PHC2: variants seen among roughly 807,000 people sequenced by gnomAD.
PHC2 encodes polyhomeotic-like protein 2.
Under a neutral mutation model 87.4 loss-of-function variants are expected in PHC2, and 29 were observed. That is an observed-to-expected ratio of 0.33 (90% confidence interval 0.25 to 0.45). The LOEUF is 0.45. PHC2 is among the 20% of genes least tolerant of loss of function. The probability of loss-of-function intolerance (pLI) is 1.00; values close to 1 mark genes in which losing one functional copy is unlikely to be tolerated. For synonymous variants in PHC2, 438 were observed against 461.7 expected (o/e 0.95, Z 0.66); for missense variants, 857 against 1,136.7 (o/e 0.75, Z 3.54).
At position 33,332,397 on chromosome 1, in the gene PHC2, C is replaced by T. The variant is rs368044247; in HGVS notation, c.1769G>A (p.Arg590His). ...QEGAEPFPVG[R>H]SSLLVGNLKK... ...GAGATTCCCCACCAGCAGGGACGAGCGTCCCACCTAGAGGACAGGTAACAC... is the reference window on the plus strand; with the variant it reads ...GAGATTCCCCACCAGCAGGGACGAGTGTCCCACCTAGAGGACAGGTAACAC... The change falls in exon 11 of 15, where the codon CGC (arginine) becomes CAC (histidine). Residue 590 changes from arginine to histidine, a missense_variant. Transcript: ENST00000683057. This position sits in a 1 kb window ranked among gnomAD's most constrained non-coding sequence, Gnocchi z 4.2. 2.5e-6 allele frequency: 4 copies of T among 1,614,154 alleles called. No individual in the cohort carries two copies. Among genetic ancestry groups the T allele is most frequent in the African/African-American group, 1.3e-5 (1 of 75,038 alleles).
chr1:33,380,243 T>TG (rs1648430589), intron 1 of PHC2, among the ~76,000 whole-genome samples: 1 of 152,250 alleles, frequency 6.6e-6, no homozygotes, highest in South Asian at 2.1e-4. Context: ...ACTCACCTGT[T>TG]GTGCAATCAT....
rs1648522036 is a variant in PHC2 at position 33,382,101 on chromosome 1, A to G, written c.-54-6508T>C. On this transcript the variant is annotated intron_variant, in intron 1 of 14. Transcript: ENST00000683057. This position sits in a 1 kb window ranked among gnomAD's most constrained non-coding sequence, Gnocchi z 4.3. ...TATGTCACTTTATTGTTGGTCTCCT[A>G]GTAGAAGGGAACTTGAGTTGGAAGA... is the stretch of plus-strand genomic sequence containing the variant. Among the ~76,000 whole-genome samples the G allele has an allele frequency of 6.6e-6, 1 of 152,188 alleles. No individual in the cohort carries two copies. Among genetic ancestry groups the G allele is most frequent in the Non-Finnish European group, 1.5e-5 (1 of 68,036 alleles).
intron 14 of PHC2, chr1:33,326,472 A>G (rs1646373485): frequency 6.6e-6 from 1 of 152,520 alleles, no homozygotes; most frequent in African/African-American, 2.4e-5. Flanking sequence ...TCTTTTCAAC[A>G]GCAGGGTTTC....
At chr1:33,393,463 G>GT (rs36030279) in intron 1 of PHC2, among the ~76,000 whole-genome samples, 50,099 of 131,004 alleles carry the variant, frequency 0.38, 10,443 homozygotes, top group African/African-American at 0.55. Context: ...TTTTCAAGAG[G>GT]TTTTTTTTTT....
rs1381966046 is a variant in PHC2, at chr1:33,349,913, C to T, written c.1558+4488G>A. The T allele has an allele frequency of 5.2e-6, 5 of 955,800 alleles. No individual in the cohort carries two copies. Among genetic ancestry groups the T allele is most frequent in the Non-Finnish European group, 4.9e-6 (4 of 808,952 alleles). 59.2% of individuals were successfully genotyped at this position (955,800 alleles called of 1,614,324 possible). Reference sequence around the variant, plus strand: ...CGGAGACAATGCGGCGAGTCTGGGACGGCTCCCGCGGCCGCCTCCGCCGGG... The same window carrying T: ...CGGAGACAATGCGGCGAGTCTGGGATGGCTCCCGCGGCCGCCTCCGCCGGG... On this transcript the variant is annotated intron_variant, in intron 9 of 14. Coordinates refer to ENST00000683057, the MANE Select transcript of PHC2 (RefSeq NM_001385109.1). This position sits in a 1 kb window ranked among gnomAD's most constrained non-coding sequence, Gnocchi z 4.2.
At chr1:33,401,603 A>C (rs1281956884) in intron 1 of PHC2, among the ~76,000 whole-genome samples, 1 of 152,238 alleles carries the variant, frequency 6.6e-6, no homozygotes. Context: ...AAATCAGCAA[A>C]TACTACAAAT....
chr1:33,355,944 C>T (rs1647062870), intron 7 of PHC2, among the ~76,000 whole-genome samples: 1 of 152,164 alleles, frequency 6.6e-6, no homozygotes, highest in Admixed American at 6.5e-5. Context: ...ACTTAATGTG[C>T]ACAGCACAGT....
intron 1 of PHC2, among the ~76,000 whole-genome samples, chr1:33,429,267 TG>T (rs1308118603): frequency 2.0e-5 from 3 of 152,134 alleles, no homozygotes; most frequent in African/African-American, 4.8e-5. Context: ...GGGGAAAATA[TG>T]GGGGAGAAAA....
chr1:33,384,226 G>A (rs990079338), intron 1 of PHC2, among the ~76,000 whole-genome samples: 4 of 152,116 alleles, frequency 2.6e-5, no homozygotes, highest in South Asian at 2.1e-4. Flanking sequence ...TCAGACCTAC[G>A]GAATCAGAAA....
chr1:33,417,114 A>G (rs1003209576), intron 1 of PHC2, among the ~76,000 whole-genome samples: 2 of 152,060 alleles, frequency 1.3e-5, no homozygotes, highest in African/African-American at 4.8e-5. Flanking sequence ...ACAAATACTA[A>G]GAAAAGATAA....
intron 1 of PHC2, among the ~76,000 whole-genome samples, chr1:33,376,138 G>A (rs1369306712): frequency 1.7e-4 from 26 of 152,164 alleles, no homozygotes. Flanking sequence ...GGGTTCAAGC[G>A]ATTCTCGTGC....
rs768041909 is a variant in PHC2 at position 33,332,408 on chromosome 1, G to A, written c.1762-4C>T. ...CCAGCAGGGACGAGCGTCCCACCTA[G>A]AGGACAGGTAACACGGAGGCCGTGA... On this transcript the variant is annotated splice_polypyrimidine_tract_variant and splice_region_variant and intron_variant, in intron 10 of 14. Coordinates refer to ENST00000683057, the MANE Select transcript of PHC2 (RefSeq NM_001385109.1). The surrounding 1 kb of genome is among the most constrained non-coding windows in gnomAD (Gnocchi z 4.2). 33 of 1,614,136 alleles carry A rather than the reference G, an allele frequency of 2.0e-5. 1 individual carries two copies. The South Asian group carries it at 3.4e-4, about 17-fold the overall frequency.
At chr1:33,346,438 C>A (rs749546768) in intron 9 of PHC2, 4 of 985,162 alleles carry the variant, frequency 4.1e-6, no homozygotes, top group African/African-American at 3.5e-5. Flanking sequence ...TCCTCATTCT[C>A]ATTTCCCTAC....
chr1:33,332,141 A>T lies in PHC2; in HGVS notation c.1891+134T>A. 1 of 938,000 alleles carries T rather than the reference A, an allele frequency of 1.1e-6. No homozygotes were observed. Among genetic ancestry groups the T allele is most frequent in the Non-Finnish European group, 1.6e-6 (1 of 613,730 alleles). 58.1% of individuals were successfully genotyped at this position (938,000 alleles called of 1,614,324 possible). On this transcript the variant is annotated intron_variant, in intron 11 of 14. Coordinates refer to ENST00000683057, the MANE Select transcript of PHC2 (RefSeq NM_001385109.1). This position sits in a 1 kb window ranked among gnomAD's most constrained non-coding sequence, Gnocchi z 4.2. ...CCCTCTTTTTGAGGGAAGGAGGCTG[A>T]GGAGGTGCTGGGGGAAATGTTTACA... is the stretch of plus-strand genomic sequence containing the variant.
rs1647800413 is a variant in PHC2, at chr1:33,371,071, T to C, written c.357A>G (p.Gln119=). The part of the protein sequence containing the change: ...VQQASLVSNR[Q]GSTSGSNVSA... ...ACACATTGCTGCCTGAAGTGCTTCC[T>C]TGTCTATTGGATACCAGGCTTGCCT... Residue 119 remains glutamine, a synonymous_variant, in exon 4 of 15, where the codon CAA becomes CAG. Transcript: ENST00000683057. The C allele has an allele frequency of 1.2e-5, 20 of 1,614,058 alleles. No individual in the cohort carries two copies. Among genetic ancestry groups the C allele is most frequent in the Non-Finnish European group, 1.7e-5 (20 of 1,179,960 alleles).
chr1:33,395,590 G>A (rs1293444878), intron 1 of PHC2, among the ~76,000 whole-genome samples: 2 of 152,134 alleles, frequency 1.3e-5, no homozygotes, highest in East Asian at 3.8e-4. Flanking sequence ...ATGGATGGGG[G>A]ATGGACAGTT....
Position 33,384,397 on chromosome 1 carries a change from A to G in PHC2, c.-54-8804T>C, listed in dbSNP as rs1648639381. ...TTGATGCCATAAGATGGTCATAATG[A>G]AGTCCCTGCAAAAAGGGGCTAGAAT... On this transcript the variant is annotated intron_variant, in intron 1 of 14. Coordinates refer to ENST00000683057, the MANE Select transcript of PHC2 (RefSeq NM_001385109.1). Among the ~76,000 whole-genome samples, 4 of 152,350 alleles carry G rather than the reference A, an allele frequency of 2.6e-5. No individual in the cohort carries two copies. In the South Asian group the frequency reaches 8.3e-4, roughly 32 times the overall value.
chr1:33,332,784 A>G lies in PHC2; in HGVS notation c.1762-380T>C, dbSNP rs1014170576. On this transcript the variant is annotated intron_variant, in intron 10 of 14. Transcript: ENST00000683057. This position sits in a 1 kb window ranked among gnomAD's most constrained non-coding sequence, Gnocchi z 4.2. ...CAGAGCGGAGTCTGTGTGAGGCTGTACATACGAGAGAGAGACTCAGCACCC... is the reference window on the plus strand; with the variant it reads ...CAGAGCGGAGTCTGTGTGAGGCTGTGCATACGAGAGAGAGACTCAGCACCC... 1.8e-4 allele frequency among the ~76,000 whole-genome samples: 27 copies of G among 152,166 alleles called. No homozygotes were observed. The highest frequency in any genetic ancestry group is 1.0e-4 in the Non-Finnish European group (7 of 68,028).
At chr1:33,339,503 A>C (rs565605883) in intron 9 of PHC2, among the ~76,000 whole-genome samples, 4 of 152,266 alleles carry the variant, frequency 2.6e-5, no homozygotes, top group African/African-American at 9.6e-5. Context: ...GAAAAGAGGT[A>C]CAGGTGGACC....
Sources: allele counts gnomAD v4.1 joint callset (sites outside exome capture counted in the v4.1 genomes callset), GRCh38; gene constraint gnomAD v4.1.1; non-coding constraint Gnocchi (gnomAD v3.1); transcripts MANE v1.5; gene names NCBI Gene and HGNC (gene_info 2026-07-23, HGNC 2026-07-21).